WWOX: variants seen among roughly 807,000 people sequenced by gnomAD.
The protein encoded by WWOX is WW domain-containing oxidoreductase.
WWOX carries 69 observed loss-of-function variants against 46.2 expected under a neutral mutation model. That is an observed-to-expected ratio of 1.49 (90% CI 1.23 to 1.82). WWOX has a LOEUF of 1.82. WWOX is among the 40% of genes most tolerant of loss of function. The probability of loss-of-function intolerance (pLI) is 0.00; values close to 1 mark genes in which losing one functional copy is unlikely to be tolerated. For missense variants in WWOX, 919 were observed against 542.6 expected, an observed-to-expected ratio of 1.69 and a Z score of -6.89; for synonymous variants, 359 against 202.6, an observed-to-expected ratio of 1.77 and a Z score of -6.56.
chr16:78,736,514 A>G (rs959709267), intron 8 of WWOX, among the ~76,000 whole-genome samples: 1 of 152,190 alleles, frequency 6.6e-6, no homozygotes, highest in Admixed American at 6.5e-5. Flanking sequence ...CAACACACAT[A>G]TCATCAAATT....
intron 5 of WWOX, among the ~76,000 whole-genome samples, chr16:78,353,529 A>T (rs2081224557): frequency 6.6e-6 from 1 of 152,218 alleles, no homozygotes; most frequent in South Asian, 2.1e-4. Flanking sequence ...TTGGGACAGG[A>T]TTAGCAAGCC....
chr16:78,241,742 C>T (rs565327924), intron 5 of WWOX, among the ~76,000 whole-genome samples: 7 of 152,162 alleles, frequency 4.6e-5, no homozygotes, highest in Non-Finnish European at 8.8e-5. Context: ...GCCCCTCACG[C>T]GCAGCCACTG....
chr16:78,368,821 G>C (rs72796020), intron 5 of WWOX, among the ~76,000 whole-genome samples: 8,035 of 152,242 alleles, frequency 0.053, 283 homozygotes, highest in East Asian at 0.12. Flanking sequence ...TGACTACAGA[G>C]CCAGATTCGA....
At chr16:78,750,985 T>A (rs532624033) in intron 8 of WWOX, among the ~76,000 whole-genome samples, 2 of 152,302 alleles carry the variant, frequency 1.3e-5, no homozygotes, top group East Asian at 3.9e-4. Context: ...TAGAGTGATT[T>A]ATTTTCCTTT....
chr16:78,810,187 G>A (rs1454695475), intron 8 of WWOX, among the ~76,000 whole-genome samples: 1 of 152,118 alleles, frequency 6.6e-6, no homozygotes, highest in Non-Finnish European at 1.5e-5. Flanking sequence ...GGTACCCCTT[G>A]CCTATACATT....
intron 8 of WWOX, among the ~76,000 whole-genome samples, chr16:78,659,720 A>C (rs2047169224): frequency 1.3e-5 from 2 of 152,196 alleles, no homozygotes; most frequent in South Asian, 4.1e-4. Context: ...CAAAAGTCTT[A>C]GAAAAATGAC....
rs551760057 is a variant in WWOX at position 78,604,416 on chromosome 16, G to C, written c.1056+171664G>C. On this transcript the variant is annotated intron_variant, in intron 8 of 8. Coordinates refer to ENST00000566780, the MANE Select transcript of WWOX (RefSeq NM_016373.4). ...AATATTCATGGAGCCCTTGTACCAA[G>C]CACGGTGCTGAGTGATGCTGTGAGG... Among the ~76,000 whole-genome samples, 4 of 152,200 alleles carry C rather than the reference G, an allele frequency of 2.6e-5. No individual in the cohort carries two copies. In the East Asian group the frequency reaches 7.8e-4, roughly 30 times the overall value.
intron 5 of WWOX, among the ~76,000 whole-genome samples, chr16:78,384,874 G>A (rs151292248): frequency 5.2e-4 from 79 of 152,168 alleles, no homozygotes; most frequent in Middle Eastern, 3.4e-3. Flanking sequence ...GGTGGCTCAC[G>A]CCTGTAATCC....
chr16:78,756,201 C>G (rs971652993), intron 8 of WWOX, among the ~76,000 whole-genome samples: 1 of 152,154 alleles, frequency 6.6e-6, no homozygotes, highest in African/African-American at 2.4e-5. Context: ...ATCTTTGACA[C>G]ATACGCTTTT....
At chr16:78,652,532 C>G (rs373688646) in intron 8 of WWOX, among the ~76,000 whole-genome samples, 1 of 151,984 alleles carries the variant, frequency 6.6e-6, no homozygotes, top group Admixed American at 6.6e-5. Context: ...ATTATGCAGA[C>G]CCCTCAGCAG....
At chr16:78,936,883 T>C (rs113312585) in intron 8 of WWOX, among the ~76,000 whole-genome samples, 1 of 152,180 alleles carries the variant, frequency 6.6e-6, no homozygotes, top group African/African-American at 2.4e-5. Context: ...TATTACAGGG[T>C]GTCACCTGCT....
chr16:78,498,104 C>G (rs1401465162), intron 8 of WWOX, among the ~76,000 whole-genome samples: 3 of 149,944 alleles, frequency 2.0e-5, no homozygotes, highest in Non-Finnish European at 4.4e-5. Context: ...ACTTGGGAGG[C>G]TGAGGCAGGA....
chr16:78,543,748 C>A (rs750662219), intron 8 of WWOX, among the ~76,000 whole-genome samples: 8 of 152,084 alleles, frequency 5.3e-5, no homozygotes, highest in Non-Finnish European at 1.2e-4. Context: ...AAAACAGAAA[C>A]CTGTGAGATC....
At chr16:78,785,089 T>C (rs1185832617) in intron 8 of WWOX, among the ~76,000 whole-genome samples, 2 of 152,202 alleles carry the variant, frequency 1.3e-5, no homozygotes, top group East Asian at 3.8e-4. Flanking sequence ...GGGAATATAC[T>C]AACTGAGAAA....
At chr16:79,202,778 A>G (rs2051385664) in intron 8 of WWOX, 1 of 152,214 alleles carries the variant, frequency 6.6e-6, no homozygotes, top group African/African-American at 2.4e-5. Context: ...GTATTTACAT[A>G]TATTTACATA....
At chr16:78,432,376 G>A in intron 7 of WWOX, 112 bp from the exon 8 acceptor site, 2 of 1,439,400 alleles carry the variant, frequency 1.4e-6, no homozygotes, top group South Asian at 1.2e-5. Flanking sequence ...AAAGTGCTCG[G>A]ATTACAGATG....
chr16:78,994,972 T>C (rs1323155471), intron 8 of WWOX, among the ~76,000 whole-genome samples: 27 of 91,320 alleles, frequency 3.0e-4, no homozygotes, highest in East Asian at 1.0e-3. Context: ...TCTTCTTCTT[T>C]TTTTTTTTTT....
At chr16:78,229,614 T>C (rs1300106144) in intron 5 of WWOX, among the ~76,000 whole-genome samples, 2 of 151,820 alleles carry the variant, frequency 1.3e-5, no homozygotes, top group Non-Finnish European at 2.9e-5. Context: ...GATGGTAGTT[T>C]CTGTTTTTGG....
chr16:78,593,922 G>A (rs2045413215), intron 8 of WWOX, among the ~76,000 whole-genome samples: 2 of 152,202 alleles, frequency 1.3e-5, no homozygotes, highest in Non-Finnish European at 2.9e-5. Context: ...AGCAATTGGA[G>A]TTGGAGGAGG....
Sources: gnomAD v4.1 joint callset for allele counts (sites outside exome capture counted in the v4.1 genomes callset) on GRCh38, gnomAD v4.1.1 for gene constraint, MANE v1.5 for transcripts, NCBI Gene and HGNC (gene_info 2026-07-23, HGNC 2026-07-21) for gene names.